The following MACROD2 variants were observed in gnomAD, a reference collection of about 807,000 sequenced individuals.
MACROD2 encodes ADP-ribose glycohydrolase MACROD2.
A neutral mutation model predicts 70.4 loss-of-function variants in MACROD2; 36 were observed. The observed-to-expected ratio is 0.51, with a 90% CI of 0.39 to 0.68. MACROD2 has a LOEUF of 0.68. Among genes scored for constraint, MACROD2 ranks in the 30% least tolerant of loss-of-function variants. The pLI, the probability that MACROD2 is intolerant of heterozygous loss-of-function variation, is 0.00. For synonymous variants in MACROD2, 172 were observed against 178.8 expected (o/e 0.96, Z 0.30); for missense variants, 496 against 538.4 (o/e 0.92, Z 0.78).
intron 5 of MACROD2, among the ~76,000 whole-genome samples, chr20:14,701,618 A>G (rs145003008): frequency 7.2e-5 from 11 of 152,158 alleles, no homozygotes; most frequent in Non-Finnish European, 1.2e-4. Context: ...TGCTGCTGCA[A>G]TTCATTAGAT....
intron 3 of MACROD2, among the ~76,000 whole-genome samples, chr20:14,366,004 T>A (rs939858717): frequency 1.3e-5 from 2 of 152,188 alleles, no homozygotes; most frequent in African/African-American, 4.8e-5. Flanking sequence ...TATCATGACT[T>A]GTTTAGTGGC....
At chr20:14,161,176 C>CT (rs1223900567) in intron 3 of MACROD2, among the ~76,000 whole-genome samples, 3 of 146,924 alleles carry the variant, frequency 2.0e-5, no homozygotes, top group Admixed American at 6.9e-5. Flanking sequence ...TGATTTCATT[C>CT]TTTTTTTTCT....
chr20:15,183,567 C>G (rs532691208), intron 5 of MACROD2, among the ~76,000 whole-genome samples: 1 of 152,066 alleles, frequency 6.6e-6, no homozygotes, highest in Non-Finnish European at 1.5e-5. Context: ...TTATCCTTTC[C>G]CCATGCCCCA....
At chr20:15,980,235 C>T (rs566376587) in intron 13 of MACROD2, among the ~76,000 whole-genome samples, 2 of 152,318 alleles carry the variant, frequency 1.3e-5, no homozygotes, top group South Asian at 2.1e-4. Flanking sequence ...GGCCTGGTTT[C>T]GGGCCTGGTG....
At chr20:14,442,732 C>T (rs1279581084) in intron 3 of MACROD2, among the ~76,000 whole-genome samples, 1 of 151,982 alleles carries the variant, frequency 6.6e-6, no homozygotes, top group Non-Finnish European at 1.5e-5. Flanking sequence ...TTGCTTGGTC[C>T]TAGAAGCTGA....
chr20:15,333,145 G>A (rs2078011027), intron 6 of MACROD2, among the ~76,000 whole-genome samples: 1 of 151,532 alleles, frequency 6.6e-6, no homozygotes, highest in African/African-American at 2.4e-5. Context: ...CCTCAGATCG[G>A]CATCTTCTAC....
intron 8 of MACROD2, among the ~76,000 whole-genome samples, chr20:15,600,416 C>T (rs2048803324): frequency 6.6e-6 from 1 of 152,180 alleles, no homozygotes; most frequent in African/African-American, 2.4e-5. Context: ...TATCAGTTCT[C>T]TTTTAATCGT....
chr20:15,497,141 G>A lies in MACROD2; in HGVS notation c.572-2633G>A, dbSNP rs201107618. 2.6e-5 allele frequency among the ~76,000 whole-genome samples: 4 copies of A among 152,180 alleles called. No homozygotes were observed. The East Asian group carries it at 7.7e-4, about 29-fold the overall frequency. On this transcript the variant is annotated intron_variant, in intron 7 of 17. Transcript: ENST00000684519. ...AAAGCCAGGGATGACATTTGTTTTA[G>A]GTAGGAGCATGTATTGCATTGCTGG...
intron 10 of MACROD2, among the ~76,000 whole-genome samples, chr20:15,929,614 T>C (rs2065543616): frequency 1.3e-5 from 2 of 152,176 alleles, no homozygotes; most frequent in Non-Finnish European, 2.9e-5. Context: ...TCAGATTGTT[T>C]CCCCAGTATA....
intron 8 of MACROD2, among the ~76,000 whole-genome samples, chr20:15,666,785 G>A (rs1336422767): frequency 6.6e-6 from 1 of 152,160 alleles, no homozygotes; most frequent in East Asian, 1.9e-4. Context: ...CACAACCACA[G>A]AGTGCCACGA....
In MACROD2 at chr20:15,731,577, G is replaced by A. The variant is rs1453529016; in HGVS notation, c.646-131168G>A. On this transcript the variant is annotated intron_variant, in intron 8 of 17. Transcript: ENST00000684519. Reference sequence around the variant, plus strand: ...CACTAGAAAGGCCAACGTGTTTCCAGTCCACTGGCTACAACATTCCTGTGG... The same window carrying A: ...CACTAGAAAGGCCAACGTGTTTCCAATCCACTGGCTACAACATTCCTGTGG... 3.2e-4 allele frequency among the ~76,000 whole-genome samples: 18 copies of A among 56,870 alleles called. 6 individuals are homozygous for A. Among genetic ancestry groups the A allele is most frequent in the African/African-American group, 8.9e-4 (18 of 20,334 alleles). 37.3% of individuals were successfully genotyped at this position (56,870 alleles called of 152,430 possible). A position where few individuals can be genotyped will look rare whatever the true frequency, so the allele number is the denominator to read the frequency against.
chr20:15,954,719 G>A (rs187551756), intron 12 of MACROD2, among the ~76,000 whole-genome samples: 1 of 152,196 alleles, frequency 6.6e-6, no homozygotes, highest in Admixed American at 6.5e-5. Context: ...GCCTTTCAAG[G>A]AATTTACAAT....
chr20:15,423,661 A>G (rs971764055), intron 6 of MACROD2, among the ~76,000 whole-genome samples: 4 of 152,120 alleles, frequency 2.6e-5, no homozygotes, highest in African/African-American at 9.7e-5. Context: ...TCTTCTTATA[A>G]GAGCACTGAT....
At chr20:15,000,549 G>A (rs1302335429) in intron 5 of MACROD2, among the ~76,000 whole-genome samples, 2 of 130,506 alleles carry the variant, frequency 1.5e-5, no homozygotes, top group Admixed American at 1.6e-4. Context: ...CGTGAACCCG[G>A]GAAGCGGAGC....
At chr20:15,933,031 G>A (rs1471971776) in intron 10 of MACROD2, among the ~76,000 whole-genome samples, 3 of 152,196 alleles carry the variant, frequency 2.0e-5, no homozygotes, top group Admixed American at 6.5e-5. Flanking sequence ...GGACTGCTGA[G>A]TGAATTTTGT....
intron 6 of MACROD2, among the ~76,000 whole-genome samples, chr20:15,365,151 T>C (rs2045390226): frequency 6.6e-6 from 1 of 152,024 alleles, no homozygotes; most frequent in Admixed American, 6.6e-5. Flanking sequence ...GTTCTGTACT[T>C]TTAAATTATT....
chr20:14,691,511 C>T (rs779225998), intron 5 of MACROD2, among the ~76,000 whole-genome samples: 5 of 152,152 alleles, frequency 3.3e-5, no homozygotes, highest in Non-Finnish European at 7.3e-5. Context: ...TAAGTCGAGT[C>T]TCTCAAGGGA....
intron 6 of MACROD2, among the ~76,000 whole-genome samples, chr20:15,348,179 C>G (rs995040130): frequency 1.3e-5 from 2 of 152,138 alleles, no homozygotes; most frequent in African/African-American, 4.8e-5. Context: ...TTCTCCTCTC[C>G]TATTAGGCTT....
intron 4 of MACROD2, among the ~76,000 whole-genome samples, chr20:14,563,737 T>C (rs533102612): frequency 6.6e-6 from 1 of 151,962 alleles, no homozygotes; most frequent in Non-Finnish European, 1.5e-5. Context: ...TAGTTTTTCA[T>C]TTGTAAAGCT....
Sources: gnomAD v4.1 joint callset for allele counts (sites outside exome capture counted in the v4.1 genomes callset) on GRCh38, gnomAD v4.1.1 for gene constraint, MANE v1.5 for transcripts, NCBI Gene and HGNC (gene_info 2026-07-23, HGNC 2026-07-21) for gene names.